The following SPATA13 variants were observed in gnomAD, a reference collection of about 807,000 sequenced individuals.
The protein encoded by SPATA13 is spermatogenesis associated 13.
A neutral mutation model predicts 104.0 loss-of-function variants in SPATA13; 50 were observed. The observed-to-expected ratio is 0.48, with a 90% confidence interval of 0.38 to 0.61. The LOEUF (loss-of-function observed/expected upper bound fraction) is 0.61. Among genes scored for constraint, SPATA13 ranks in the 20% least tolerant of loss-of-function variants. The pLI, the probability that SPATA13 is intolerant of heterozygous loss-of-function variation, is 0.00. For missense variants in SPATA13, 1,524 were observed against 1,690.6 expected, an observed-to-expected ratio of 0.90 and a Z score of 1.73; for synonymous variants, 606 against 667.5, an observed-to-expected ratio of 0.91 and a Z score of 1.42.
chr13:24,228,834 A>G (rs1359117172), intron 2 of SPATA13, among the ~76,000 whole-genome samples: 1 of 152,232 alleles, frequency 6.6e-6, no homozygotes, highest in Non-Finnish European at 1.5e-5. Flanking sequence ...TAAATATTAT[A>G]ATGTACTTTC....
chr13:24,068,118 A>C (rs1383582344), intron 3 of SPATA13, among the ~76,000 whole-genome samples: 1 of 152,172 alleles, frequency 6.6e-6, no homozygotes, highest in African/African-American at 2.4e-5. Flanking sequence ...GCATTAAGCC[A>C]AGTGGCCATT....
chr13:24,291,005 T>C (rs1415395461), intron 9 of SPATA13, 121 bp downstream of exon 9: 6 of 743,924 alleles, frequency 8.1e-6, no homozygotes, highest in Middle Eastern at 3.5e-4. Flanking sequence ...GGGAGCTCCA[T>C]GGGAGAAGTT....
chr13:23,997,484 C>T (rs149963777), intron 2 of SPATA13, among the ~76,000 whole-genome samples: 283 of 152,302 alleles, frequency 1.9e-3, no homozygotes, highest in African/African-American at 6.5e-3. Flanking sequence ...TGAGATTTAT[C>T]CATGTCTTTC....
chr13:24,083,071 G>A (rs1879594905), intron 3 of SPATA13, among the ~76,000 whole-genome samples: 1 of 152,174 alleles, frequency 6.6e-6, no homozygotes, highest in African/African-American at 2.4e-5. Context: ...AGTTGAGGGT[G>A]AAAATTCATT....
intron 7 of SPATA13, among the ~76,000 whole-genome samples, chr13:24,287,538 T>C (rs1471364066): frequency 6.6e-6 from 1 of 152,200 alleles, no homozygotes; most frequent in Admixed American, 6.5e-5. Context: ...ATGGCTTTCA[T>C]AGAAGGCAAC....
chr13:24,096,059 A>G (rs1880069058), intron 3 of SPATA13, among the ~76,000 whole-genome samples: 2 of 152,144 alleles, frequency 1.3e-5, no homozygotes, highest in Non-Finnish European at 2.9e-5. Context: ...TATCTCCCAG[A>G]GCCCTCACTA....
At chr13:24,101,129 T>C (rs1294911326) in intron 3 of SPATA13, among the ~76,000 whole-genome samples, 1 of 152,170 alleles carries the variant, frequency 6.6e-6, no homozygotes, top group Non-Finnish European at 1.5e-5. Context: ...TAAGTGACTT[T>C]TGGTGCCTCC....
chr13:24,170,124 G>T (rs1882908297), intron 1 of SPATA13, among the ~76,000 whole-genome samples: 1 of 152,180 alleles, frequency 6.6e-6, no homozygotes, highest in African/African-American at 2.4e-5. Context: ...ATATCTGCAG[G>T]GGGATAGGTC....
At chr13:24,261,129 G>A (rs1287084483) in intron 4 of SPATA13, among the ~76,000 whole-genome samples, 1 of 152,238 alleles carries the variant, frequency 6.6e-6, no homozygotes, top group Non-Finnish European at 1.5e-5. Context: ...GCCATGAGAT[G>A]ATCAGATGTG....
At chr13:24,039,299 C>T (rs935152049) in intron 3 of SPATA13, among the ~76,000 whole-genome samples, 2 of 152,176 alleles carry the variant, frequency 1.3e-5, no homozygotes, top group Non-Finnish European at 2.9e-5. Flanking sequence ...CTCAATTTAC[C>T]AACCTGGTGT....
At chr13:24,258,191 C>T (rs13378382) in intron 4 of SPATA13, among the ~76,000 whole-genome samples, 4,944 of 151,064 alleles carry the variant, frequency 0.033, 194 homozygotes, top group South Asian at 0.087. Context: ...GCCTACATTG[C>T]GCCATGGCAC....
intron 2 of SPATA13, among the ~76,000 whole-genome samples, chr13:24,228,101 T>C (rs975038862): frequency 8.3e-5 from 12 of 144,292 alleles, no homozygotes; most frequent in Non-Finnish European, 1.4e-4. Flanking sequence ...TTCTCCCCTC[T>C]TGTACTCTTT....
upstream of SPATA13, chr13:24,160,715 T>G (rs1272930874): frequency 2.0e-6 from 2 of 985,272 alleles, no homozygotes; most frequent in South Asian, 4.7e-5. Flanking sequence ...GGGCGTGGCT[T>G]GGCTGAGTGT....
chr13:24,098,314 T>A (rs990575295), intron 3 of SPATA13, among the ~76,000 whole-genome samples: 4 of 152,060 alleles, frequency 2.6e-5, no homozygotes, highest in African/African-American at 9.7e-5. Flanking sequence ...TCCCAACACT[T>A]TGGGAGGCTG....
At chr13:24,002,463 A>C (rs1408601209) in intron 2 of SPATA13, among the ~76,000 whole-genome samples, 1 of 152,088 alleles carries the variant, frequency 6.6e-6, no homozygotes, top group African/African-American at 2.4e-5. Flanking sequence ...CTCTGGGGGA[A>C]GGAGTAGAGG....
At chr13:23,992,088 G>C (rs1291517423) in intron 2 of SPATA13, among the ~76,000 whole-genome samples, 1 of 152,162 alleles carries the variant, frequency 6.6e-6, no homozygotes, top group Non-Finnish European at 1.5e-5. Flanking sequence ...TTAGAATAGT[G>C]AGGCCCATTT....
chr13:24,021,009 C>T (rs1194933272), intron 3 of SPATA13, among the ~76,000 whole-genome samples: 3 of 152,322 alleles, frequency 2.0e-5, no homozygotes, highest in East Asian at 3.9e-4. Context: ...ACACTGCACT[C>T]CAGCCTGTGT....
At chr13:24,294,984 G>A in intron 10 of SPATA13, 116 bp downstream of exon 10, 1 of 1,063,496 alleles carries the variant, frequency 9.4e-7, no homozygotes, top group Non-Finnish European at 1.3e-6. Flanking sequence ...GGCTTTAATG[G>A]TACATATACC....
intron 4 of SPATA13, among the ~76,000 whole-genome samples, chr13:24,271,560 A>G: frequency 6.6e-6 from 1 of 152,176 alleles, no homozygotes; most frequent in Non-Finnish European, 1.5e-5. Flanking sequence ...TATTTGGACT[A>G]TTTAAATGTG....
Sources: gnomAD v4.1 joint callset for allele counts (sites outside exome capture counted in the v4.1 genomes callset) on GRCh38, gnomAD v4.1.1 for gene constraint, MANE v1.5 for transcripts, NCBI Gene and HGNC (gene_info 2026-07-23, HGNC 2026-07-21) for gene names.